Variants in POLA1 observed in about 807,000 individuals in gnomAD.
POLA1 encodes the protein DNA polymerase alpha 1, catalytic subunit, also known as DNA polymerase alpha catalytic subunit.
A neutral mutation model predicts 124.0 loss-of-function variants in POLA1; 15 were observed. That is an observed-to-expected ratio of 0.12 (90% CI 0.08 to 0.19). The LOEUF (loss-of-function observed/expected upper bound fraction) is 0.19, where lower values mean the gene tolerates loss of function less well. Ranked by LOEUF, POLA1 falls within the 10% of genes least tolerant of loss-of-function variation. POLA1 has a pLI of 1.00. For missense variants in POLA1, 886 were observed against 1,103.4 expected (o/e 0.80, Z 2.79); for synonymous variants, 408 against 389.4 (o/e 1.05, Z -0.56).
intron 17 of POLA1, chrX:24,734,091 T>A (rs1028522674): frequency 5.5e-6 from 1 of 182,428 alleles, no homozygotes; most frequent in Non-Finnish European, 1.0e-5. Flanking sequence ...ATTAGAAGCT[T>A]CTCTAAAATG....
chrX:24,759,390 GTTT>G (rs1194592949), intron 26 of POLA1, among the ~76,000 whole-genome samples: 3 of 111,913 alleles, frequency 2.7e-5, no homozygotes, highest in African/African-American at 9.7e-5. Flanking sequence ...CATTTCAGAT[GTTT>G]TTTTGTTCTA....
chrX:24,813,858 G>A (rs1168288771), intron 29 of POLA1, among the ~76,000 whole-genome samples: 1 of 108,923 alleles, frequency 9.2e-6, no homozygotes, highest in African/African-American at 3.3e-5. Flanking sequence ...TTCATGTACC[G>A]TCTTAATTTG....
At chrX:24,903,359 A>G (rs760115985) in intron 35 of POLA1, among the ~76,000 whole-genome samples, 1 of 112,723 alleles carries the variant, frequency 8.9e-6, no homozygotes, top group African/African-American at 3.2e-5. Context: ...CTCATAATGT[A>G]CAAAGACACT....
At chrX:24,808,106 G>A (rs2045832938) in intron 26 of POLA1, among the ~76,000 whole-genome samples, 2 of 111,975 alleles carry the variant, frequency 1.8e-5, no homozygotes, top group South Asian at 7.5e-4. Context: ...GAGTTGATGA[G>A]ACCTAAAGCC....
chrX:24,935,411 A>AC (rs758738401), intron 36 of POLA1, among the ~76,000 whole-genome samples: 1 of 112,998 alleles, frequency 8.8e-6, no homozygotes, highest in South Asian at 3.6e-4. Flanking sequence ...ATGACAATTT[A>AC]CCCATAGGAG....
In POLA1 at chrX:24,806,936, A is replaced by G. The variant is rs1433779464; in HGVS notation, c.2965-2962A>G. Among the ~76,000 whole-genome samples, 5 of 112,093 alleles carry G rather than the reference A, an allele frequency of 4.5e-5. No homozygotes were observed. In the East Asian group the frequency reaches 1.1e-3, roughly 25 times the overall value. ...GCAGCTCTTTATGTGTGAATTTGAAATAACCTCTAGGATAAGTGCTAGGTG... is the reference window on the plus strand; with the variant it reads ...GCAGCTCTTTATGTGTGAATTTGAAGTAACCTCTAGGATAAGTGCTAGGTG... On this transcript the variant is annotated intron_variant, in intron 26 of 36. Coordinates refer to ENST00000379068, the MANE Select transcript of POLA1 (RefSeq NM_001330360.2).
intron 36 of POLA1, among the ~76,000 whole-genome samples, chrX:24,973,300 G>A (rs746854561): frequency 1.8e-5 from 2 of 111,078 alleles, no homozygotes; most frequent in African/African-American, 3.3e-5. Flanking sequence ...AGGAGGCGGG[G>A]TTTGCAGTGA....
intron 36 of POLA1, among the ~76,000 whole-genome samples, chrX:24,965,172 G>A (rs1451339788): frequency 8.9e-6 from 1 of 112,066 alleles, no homozygotes; most frequent in Non-Finnish European, 1.9e-5. Context: ...TGTACACTGT[G>A]TGCAGAATCA....
chrX:24,718,012 G>A (rs1929965066), intron 10 of POLA1, among the ~76,000 whole-genome samples: 1 of 111,445 alleles, frequency 9.0e-6, no homozygotes, highest in South Asian at 3.8e-4. Context: ...ATGGAGAAGA[G>A]CTATGGTGCG....
chrX:24,808,191 C>T (rs1053121823), intron 26 of POLA1, among the ~76,000 whole-genome samples: 4 of 111,783 alleles, frequency 3.6e-5, no homozygotes, highest in Non-Finnish European at 3.8e-5. Flanking sequence ...ACCTTGCAGC[C>T]GGCCCTGCTC....
At chrX:24,976,097 C>A (rs1051401963) in intron 36 of POLA1, among the ~76,000 whole-genome samples, 6 of 112,375 alleles carry the variant, frequency 5.3e-5, no homozygotes, top group African/African-American at 1.9e-4. Flanking sequence ...TTACTTTGCA[C>A]TCCTATGTTG....
At chrX:24,834,270 G>A (rs1351415097) in intron 32 of POLA1, among the ~76,000 whole-genome samples, 2 of 111,656 alleles carry the variant, frequency 1.8e-5, no homozygotes, top group East Asian at 2.8e-4. Context: ...TTTTTATTCT[G>A]TCAAGATTTT....
At chrX:24,941,663 A>G (rs187472964) in intron 36 of POLA1, among the ~76,000 whole-genome samples, 7 of 112,554 alleles carry the variant, frequency 6.2e-5, no homozygotes, top group Non-Finnish European at 1.3e-4. Context: ...TTCTTCCTGT[A>G]GTTGTCATGA....
At position 24,814,988 on chromosome X, in the gene POLA1, TGGCCAGA is replaced by T; in HGVS notation, c.3307_3313del (p.Gly1103PhefsTer10). 8.8e-7 allele frequency: 1 copy of T among 1,136,455 alleles called. No individual in the cohort carries two copies. The highest frequency in any genetic ancestry group is 1.2e-6 in the Non-Finnish European group (1 of 858,158). The allele number at this position is 1,136,455 out of a possible 1,213,427, so 93.7% of individuals were successfully genotyped here. ...TTTTTTTTTTTTGCAGCTTTGTGAT[TGGCCAGA>T]TTCTTTCTGATCAAAGCCGGGACAC... is the stretch of plus-strand genomic sequence containing the variant. On this transcript the variant is annotated frameshift_variant, in exon 30 of 37. Coordinates refer to ENST00000379068, the MANE Select transcript of POLA1 (RefSeq NM_001330360.2). LOFTEE classifies it high-confidence loss of function.
intron 13 of POLA1, among the ~76,000 whole-genome samples, chrX:24,726,443 A>G (rs1930542178): frequency 8.9e-6 from 1 of 112,232 alleles, no homozygotes; most frequent in Non-Finnish European, 1.9e-5. Context: ...GTGACAGGCA[A>G]GGTCATTGCT....
intron 4 of POLA1, among the ~76,000 whole-genome samples, chrX:24,709,170 G>A (rs1275098507): frequency 1.3e-4 from 11 of 85,910 alleles, no homozygotes; most frequent in African/African-American, 4.5e-4. Flanking sequence ...CCTCCCGGAC[G>A]GGGCGGCTGG....
At chrX:24,971,996 TTCACTC>T in intron 36 of POLA1, among the ~76,000 whole-genome samples, 1 of 109,301 alleles carries the variant, frequency 9.1e-6, no homozygotes, top group African/African-American at 3.3e-5. Context: ...TAGACCGAGT[TTCACTC>T]TTATCACCCA....
At chrX:24,933,217 A>G (rs1057007571) in intron 36 of POLA1, among the ~76,000 whole-genome samples, 5 of 112,098 alleles carry the variant, frequency 4.5e-5, no homozygotes, top group Non-Finnish European at 7.5e-5. Flanking sequence ...GTCATAGTTC[A>G]TAGGGAACAA....
intron 34 of POLA1, among the ~76,000 whole-genome samples, chrX:24,881,130 A>G (rs2046996082): frequency 9.0e-6 from 1 of 111,599 alleles, no homozygotes; most frequent in Non-Finnish European, 1.9e-5. Flanking sequence ...AAATACGAAA[A>G]TTTCACTTAT....
Sources: allele counts gnomAD v4.1 joint callset (sites outside exome capture counted in the v4.1 genomes callset), GRCh38; gene constraint gnomAD v4.1.1; transcripts MANE v1.5; gene names NCBI Gene and HGNC (gene_info 2026-07-23, HGNC 2026-07-21).